Variants in UCMA observed in about 807,000 individuals in gnomAD.
UCMA encodes the protein upper zone of growth plate and cartilage matrix associated.
A neutral mutation model predicts 21.8 loss-of-function variants in UCMA; 21 were observed. That is an observed-to-expected ratio of 0.97 (90% CI 0.68 to 1.39). The LOEUF is 1.39. Among genes scored for constraint, UCMA ranks in the 40% most tolerant of loss-of-function variants. The pLI is 0.00. For synonymous variants in UCMA, 76 were observed against 67.9 expected (o/e 1.12, Z -0.58); for missense variants, 193 against 178.9 (o/e 1.08, Z -0.45).
intron 4 of UCMA, among the ~76,000 whole-genome samples, chr10:13,227,529 C>A (rs1275408860): frequency 1.3e-5 from 2 of 151,994 alleles, no homozygotes; most frequent in East Asian, 3.9e-4. Context: ...ACCAGCCTGG[C>A]CAACATAGTA....
chr10:13,222,129 A>G lies in UCMA; in HGVS notation c.391T>C (p.Tyr131His). ...QWHYDGLHPS[Y>H]LYNRHHT ...CAGGTGTGGTGGCGGTTGTAGAGAT[A>G]GGATGGGTGCAGGCCGTCATAGTGC... is the stretch of plus-strand genomic sequence containing the variant. The change falls in exon 5 of 5, where the codon TAT (tyrosine) becomes CAT (histidine). Residue 131 changes from tyrosine (Y) to histidine (H), a missense_variant. Physicochemically the swap from Tyr to His is moderately conservative, Grantham distance 83. Coordinates refer to ENST00000378681, the MANE Select transcript of UCMA (RefSeq NM_145314.3). 1 of 1,614,162 alleles carries G rather than the reference A, an allele frequency of 6.2e-7. No homozygotes were observed. Among genetic ancestry groups the G allele is most frequent in the Non-Finnish European group, 8.5e-7 (1 of 1,180,022 alleles).
At chr10:13,223,324 C>T (rs545938916) in intron 4 of UCMA, among the ~76,000 whole-genome samples, 12 of 151,998 alleles carry the variant, frequency 7.9e-5, no homozygotes, top group East Asian at 1.9e-4. Context: ...ATGTTCGTAG[C>T]GCAACAGTTA....
chr10:13,222,794 C>T lies in UCMA; in HGVS notation c.320-594G>A, dbSNP rs536556529. On this transcript the variant is annotated intron_variant, in intron 4 of 4. Transcript: ENST00000378681. ...CGGCTTCAACCTCCCAGGGCTCAGG[C>T]GATCCTCCCACTTCAGCCTCCTTTC... is the stretch of plus-strand genomic sequence containing the variant. 2.6e-5 allele frequency among the ~76,000 whole-genome samples: 4 copies of T among 151,836 alleles called. No homozygotes were observed. The East Asian group carries it at 7.8e-4, about 30-fold the overall frequency.
chr10:13,232,617 A>G (rs1483360546), intron 3 of UCMA, among the ~76,000 whole-genome samples: 1 of 152,136 alleles, frequency 6.6e-6, no homozygotes, highest in East Asian at 1.9e-4. Context: ...AAGAAATTTC[A>G]TCTCCAAGCA....
At position 13,222,176 on chromosome 10, in the gene UCMA, G is replaced by C; in HGVS notation, c.344C>G (p.Ala115Gly). Residue 115 changes from alanine (A) to glycine (G), a missense_variant, in exon 5 of 5, where the codon GCT (alanine) becomes GGT (glycine). By Grantham distance (60) the Ala-to-Gly change is moderately conservative. Coordinates refer to ENST00000378681, the MANE Select transcript of UCMA (RefSeq NM_145314.3). ...NDEQEERSRE[A>G]VEQWRQWHYD... ...GTGCCACTGGCGCCACTGCTCCACA[G>C]CCTCCCGGCTCCTCTCTTCCTGCTC... is the stretch of plus-strand genomic sequence containing the variant. The C allele has an allele frequency of 6.2e-7, 1 of 1,614,014 alleles. No homozygotes were observed. Among genetic ancestry groups the C allele is most frequent in the African/African-American group, 1.3e-5 (1 of 75,060 alleles).
chr10:13,227,949 C>G (rs1212469519), intron 4 of UCMA, among the ~76,000 whole-genome samples: 1 of 152,046 alleles, frequency 6.6e-6, no homozygotes, highest in Non-Finnish European at 1.5e-5. Flanking sequence ...CTCCACTGAG[C>G]CCTGGCACAG....
chr10:13,233,482 G>A (rs78293148), intron 3 of UCMA, 56 bp downstream of exon 3: 29,486 of 1,415,160 alleles, frequency 0.021, 1,306 homozygotes, highest in East Asian at 0.17. Flanking sequence ...GAGGAGCCGG[G>A]GGGTGTGAGC....
In UCMA at chr10:13,234,226, G is replaced by A. The variant is rs760194923; in HGVS notation, c.33C>T (p.Cys11=). 1.9e-6 allele frequency: 3 copies of A among 1,613,934 alleles called. No homozygotes were observed. Among genetic ancestry groups the A allele is most frequent in the South Asian group, 1.1e-5 (1 of 91,036 alleles). The part of the protein sequence containing the change: MTWRQAVLLS[C]FSAVVLLSML... ...TAGACAGGAGCACCACGGCGGAGAA[G>A]CAAGACAGCAGGACGGCCTGTCTCC... Residue 11 remains cysteine (C), a synonymous_variant, in exon 1 of 5, where the codon TGC becomes TGT. Transcript: ENST00000378681.
intron 4 of UCMA, among the ~76,000 whole-genome samples, chr10:13,229,389 C>T (rs771473338): frequency 6.6e-5 from 10 of 151,940 alleles, no homozygotes; most frequent in Non-Finnish European, 1.5e-4. Context: ...ATCTGTAATC[C>T]CAGCTACTCT....
intron 4 of UCMA, among the ~76,000 whole-genome samples, chr10:13,224,695 G>C (rs1003465313): frequency 1.3e-5 from 2 of 152,208 alleles, no homozygotes; most frequent in African/African-American, 4.8e-5. Flanking sequence ...GTGGCTTCAG[G>C]GTGTGAGGAA....
chr10:13,233,015 G>A (rs905381419), intron 3 of UCMA, among the ~76,000 whole-genome samples: 1 of 152,006 alleles, frequency 6.6e-6, no homozygotes, highest in Admixed American at 6.6e-5. Context: ...TAGGACCAGA[G>A]GGAGGAAGTA....
At position 13,222,182 on chromosome 10, in the gene UCMA, C is replaced by T. The variant is rs756021993; in HGVS notation, c.338G>A (p.Arg113Gln). Residue 113 changes from arginine to glutamine, a missense_variant, in exon 5 of 5, where the codon CGG becomes CAG. Arg to Gln is a conservative substitution (Grantham distance 43). Coordinates refer to ENST00000378681, the MANE Select transcript of UCMA (RefSeq NM_145314.3). ...EQNDEQEERS[R>Q]EAVEQWRQWH... The stretch of plus-strand genomic sequence containing the variant: ...CTGGCGCCACTGCTCCACAGCCTCC[C>T]GGCTCCTCTCTTCCTGCTCTGGGGA... 146 of 1,613,800 alleles carry T rather than the reference C, an allele frequency of 9.0e-5. No individual in the cohort carries two copies. Among genetic ancestry groups the T allele is most frequent in the Middle Eastern group, 1.6e-4 (1 of 6,082 alleles).
rs547193225 is a variant in UCMA at position 13,226,125 on chromosome 10, G to C, written c.319+3486C>G. ...TAAGCCTTGGGGTTCTAATGCTAGG[G>C]CTATCTACTAGCCTCGTCTCCTTGA... On this transcript the variant is annotated intron_variant, in intron 4 of 4. Coordinates refer to ENST00000378681, the MANE Select transcript of UCMA (RefSeq NM_145314.3). 1.1e-4 allele frequency among the ~76,000 whole-genome samples: 17 copies of C among 152,184 alleles called. No homozygotes were observed. The South Asian group carries it at 1.2e-3, about 11-fold the overall frequency.
chr10:13,224,776 C>T (rs1224177733), intron 4 of UCMA, among the ~76,000 whole-genome samples: 1 of 152,216 alleles, frequency 6.6e-6, no homozygotes, highest in East Asian at 1.9e-4. Flanking sequence ...CTCGGCCCAG[C>T]TGGGTGCAGG....
At position 13,225,135 on chromosome 10, in the gene UCMA, C is replaced by A. The variant is rs545472803; in HGVS notation, c.320-2935G>T. 2.6e-5 allele frequency among the ~76,000 whole-genome samples: 4 copies of A among 152,194 alleles called. No individual in the cohort carries two copies. The East Asian group carries it at 7.8e-4, about 30-fold the overall frequency. On this transcript the variant is annotated intron_variant, in intron 4 of 4. Transcript: ENST00000378681. ...AGTGCAGTGGCACAATCATAGCTCA[C>A]TGCAGCCTCCTGGACTCAAGTGATT...
chr10:13,222,035 G>A lies in UCMA; in HGVS notation c.*68C>T, dbSNP rs1242756233. 19 of 1,567,152 alleles carry A rather than the reference G, an allele frequency of 1.2e-5. No individual in the cohort carries two copies. Among genetic ancestry groups the A allele is most frequent in the Non-Finnish European group, 1.6e-5 (18 of 1,139,472 alleles). ...CTGAAGGGCCGGTTTGCATGGGAAA[G>A]ATTGCTGGAACACGGGGATGCCAAT... On this transcript the variant is annotated 3_prime_UTR_variant, in exon 5 of 5. Coordinates refer to ENST00000378681, the MANE Select transcript of UCMA (RefSeq NM_145314.3).
Position 13,222,210 on chromosome 10 carries a change from A to G in UCMA, c.320-10T>C. 1.2e-6 allele frequency: 2 copies of G among 1,613,042 alleles called. No individual in the cohort carries two copies. The highest frequency in any genetic ancestry group is 1.7e-6 in the Non-Finnish European group (2 of 1,179,776). On this transcript the variant is annotated splice_polypyrimidine_tract_variant and intron_variant, in intron 4 of 4. Coordinates refer to ENST00000378681, the MANE Select transcript of UCMA (RefSeq NM_145314.3). ...CTCCTCTCTTCCTGCTCTGGGGAGG[A>G]AAGACAAAGCCACCTGTTAGGACAG...
chr10:13,233,743 G>A lies in UCMA; in HGVS notation c.116C>T (p.Ala39Val), dbSNP rs199777953. 37 of 1,613,922 alleles carry A rather than the reference G, an allele frequency of 2.3e-5. No individual in the cohort carries two copies. The highest frequency in any genetic ancestry group is 1.3e-4 in the East Asian group (6 of 44,852). Residue 39 changes from alanine to valine, a missense_variant, in exon 2 of 5, where the codon GCG becomes GTG. Transcript: ENST00000378681. ...GTGGCCCCTGCACTCACCTTCACTC[G>A]CCTCTTCTCCCGCCATCTGCATGGT... ...VGTMQMAGEE[A>V]SEDAKQKIFM...
At chr10:13,230,189 G>A (rs1834879923) in intron 3 of UCMA, among the ~76,000 whole-genome samples, 2 of 152,050 alleles carry the variant, frequency 1.3e-5, no homozygotes, top group Non-Finnish European at 2.9e-5. Flanking sequence ...ACGCCTGTGA[G>A]CTTAGCTACT....
Sources: allele counts gnomAD v4.1 joint callset (sites outside exome capture counted in the v4.1 genomes callset), GRCh38; gene constraint gnomAD v4.1.1; transcripts MANE v1.5; gene names NCBI Gene and HGNC (gene_info 2026-07-23, HGNC 2026-07-21).